LRMDA: variants seen among roughly 807,000 people sequenced by gnomAD.
The protein encoded by LRMDA is leucine rich melanocyte differentiation associated.
A neutral mutation model predicts 29.8 loss-of-function variants in LRMDA; 18 were observed. The ratio of observed to expected loss-of-function variants is 0.60; its 90% CI spans 0.42 to 0.90. The LOEUF (loss-of-function observed/expected upper bound fraction) is 0.90, where lower values mean the gene tolerates loss of function less well. LRMDA is among the 40% of genes least tolerant of loss of function. The pLI, the probability that LRMDA is intolerant of heterozygous loss-of-function variation, is 0.00. For missense variants in LRMDA, 273 were observed against 273.9 expected (o/e 1.00, Z 0.02); for synonymous variants, 125 against 109.4 (o/e 1.14, Z -0.89).
intron 2 of LRMDA, among the ~76,000 whole-genome samples, chr10:75,660,423 G>C (rs1335941737): frequency 1.3e-5 from 2 of 152,210 alleles, no homozygotes; most frequent in Admixed American, 1.3e-4. Context: ...GGACGGCTCT[G>C]ACACCTGCCT....
intron 5 of LRMDA, among the ~76,000 whole-genome samples, chr10:76,308,726 C>A (rs536334461): frequency 5.9e-5 from 9 of 152,322 alleles, no homozygotes; most frequent in African/African-American, 2.2e-4. Flanking sequence ...CTCAAAACCT[C>A]TCCCCATAGT....
chr10:76,080,607 C>G (rs1348958579), intron 5 of LRMDA, among the ~76,000 whole-genome samples: 2 of 152,244 alleles, frequency 1.3e-5, no homozygotes, highest in African/African-American at 4.8e-5. Flanking sequence ...GGTCACACCA[C>G]AAGGCCACTG....
intron 5 of LRMDA, among the ~76,000 whole-genome samples, chr10:76,196,384 G>A (rs1851331332): frequency 6.6e-6 from 1 of 152,208 alleles, no homozygotes; most frequent in South Asian, 2.1e-4. Flanking sequence ...CTCCACAGTA[G>A]CATAATTGAA....
intron 2 of LRMDA, among the ~76,000 whole-genome samples, chr10:75,596,883 C>T (rs1253942217): frequency 1.3e-5 from 2 of 152,066 alleles, no homozygotes; most frequent in Non-Finnish European, 2.9e-5. Flanking sequence ...GCTGCACATT[C>T]CTCCACAGTA....
intron 2 of LRMDA, among the ~76,000 whole-genome samples, chr10:75,847,420 A>G (rs1395674970): frequency 4.1e-5 from 3 of 73,344 alleles, no homozygotes; most frequent in Non-Finnish European, 9.0e-5. Flanking sequence ...AGAAGGAAAC[A>G]TAGGAAAGCT....
chr10:75,597,297 C>G (rs1840803856), intron 2 of LRMDA, among the ~76,000 whole-genome samples: 1 of 152,146 alleles, frequency 6.6e-6, no homozygotes, highest in Admixed American at 6.6e-5. Context: ...GAAAAGTGGT[C>G]TGGGAGGTGG....
chr10:76,144,276 C>T (rs1026413804), intron 5 of LRMDA, among the ~76,000 whole-genome samples: 1 of 152,150 alleles, frequency 6.6e-6, no homozygotes, highest in Non-Finnish European at 1.5e-5. Context: ...TATAAATTAC[C>T]TTGGGCAGTA....
intron 5 of LRMDA, among the ~76,000 whole-genome samples, chr10:76,151,681 G>T (rs987294331): frequency 1.3e-5 from 2 of 152,130 alleles, no homozygotes; most frequent in African/African-American, 4.8e-5. Context: ...TGTTGTTGTT[G>T]TAAATTTTAT....
chr10:75,858,323 C>T (rs1235150456), intron 2 of LRMDA, among the ~76,000 whole-genome samples: 2 of 152,174 alleles, frequency 1.3e-5, no homozygotes, highest in East Asian at 1.9e-4. Context: ...AAAATATATC[C>T]ATATGTGCTC....
chr10:75,825,455 T>G (rs1844232840), intron 2 of LRMDA, among the ~76,000 whole-genome samples: 1 of 152,108 alleles, frequency 6.6e-6, no homozygotes, highest in Non-Finnish European at 1.5e-5. Flanking sequence ...GGTTAGTTAT[T>G]AACTGCAAAA....
intron 2 of LRMDA, among the ~76,000 whole-genome samples, chr10:75,787,195 C>T (rs968840433): frequency 6.6e-6 from 1 of 152,148 alleles, no homozygotes; most frequent in Admixed American, 6.5e-5. Context: ...TCTTTGATAC[C>T]GTCTCTGGGG....
At chr10:75,541,817 C>A (rs950602064) in intron 2 of LRMDA, among the ~76,000 whole-genome samples, 1 of 143,440 alleles carries the variant, frequency 7.0e-6, no homozygotes, top group Non-Finnish European at 1.5e-5. Flanking sequence ...AATTTACATG[C>A]AAATCATTTT....
At chr10:75,944,233 T>C (rs1385760000) in intron 2 of LRMDA, among the ~76,000 whole-genome samples, 3 of 152,198 alleles carry the variant, frequency 2.0e-5, no homozygotes, top group Non-Finnish European at 4.4e-5. Flanking sequence ...GGCCATTCCA[T>C]CATCTCTGGC....
intron 2 of LRMDA, among the ~76,000 whole-genome samples, chr10:75,732,733 A>G (rs1399928077): frequency 6.6e-6 from 1 of 152,140 alleles, no homozygotes; most frequent in East Asian, 1.9e-4. Context: ...CTGGACTAGA[A>G]TTGCACATAT....
chr10:75,556,061 C>A (rs1179630147), intron 2 of LRMDA, among the ~76,000 whole-genome samples: 2 of 151,964 alleles, frequency 1.3e-5, no homozygotes, highest in African/African-American at 4.8e-5. Context: ...ATATCAGAAG[C>A]TCTAATACAT....
intron 5 of LRMDA, among the ~76,000 whole-genome samples, chr10:76,251,411 C>A (rs1478365614): frequency 6.6e-6 from 1 of 151,066 alleles, no homozygotes; most frequent in Admixed American, 6.6e-5. Flanking sequence ...CGCCACCGCG[C>A]CCGGCTAATT....
At chr10:76,027,759 T>C (rs894356123) in intron 2 of LRMDA, among the ~76,000 whole-genome samples, 1 of 152,234 alleles carries the variant, frequency 6.6e-6, no homozygotes, top group African/African-American at 2.4e-5. Flanking sequence ...CTTTTAATTT[T>C]CATGCATGAG....
At chr10:76,200,137 T>A (rs1442875335) in intron 5 of LRMDA, among the ~76,000 whole-genome samples, 3 of 152,042 alleles carry the variant, frequency 2.0e-5, no homozygotes, top group Non-Finnish European at 2.9e-5. Flanking sequence ...AATTTTTTTT[T>A]ATTTTTAGTA....
intron 6 of LRMDA, among the ~76,000 whole-genome samples, chr10:76,384,250 C>A (rs141820187): frequency 2.0e-5 from 3 of 152,296 alleles, no homozygotes; most frequent in Non-Finnish European, 4.4e-5. Flanking sequence ...AGGTAGAATT[C>A]ACTCTTATAC....
Sources: gnomAD v4.1 joint callset for allele counts (sites outside exome capture counted in the v4.1 genomes callset) on GRCh38, gnomAD v4.1.1 for gene constraint, MANE v1.5 for transcripts, NCBI Gene and HGNC (gene_info 2026-07-23, HGNC 2026-07-21) for gene names.